The following WIPF1 variants were observed in gnomAD, a reference collection of about 807,000 sequenced individuals.
WIPF1 encodes the protein WAS/WASL interacting protein family member 1.
WIPF1 carries 13 observed loss-of-function variants against 35.4 expected under a neutral mutation model. That is an observed-to-expected ratio of 0.37 (90% CI 0.24 to 0.58). WIPF1 has a LOEUF of 0.58. WIPF1 is among the 20% of genes least tolerant of loss of function. The probability of loss-of-function intolerance (pLI) is 0.74; values close to 1 mark genes in which losing one functional copy is unlikely to be tolerated. For missense variants in WIPF1, 591 were observed against 667.0 expected, an observed-to-expected ratio of 0.89 and a Z score of 1.25; for synonymous variants, 267 against 266.3, an observed-to-expected ratio of 1.00 and a Z score of -0.02.
chr2:174,659,349 T>C (rs192330368), intron 1 of WIPF1, among the ~76,000 whole-genome samples: 1 of 152,324 alleles, frequency 6.6e-6, no homozygotes, highest in Admixed American at 6.5e-5. Context: ...AATCCATGGG[T>C]GTCTCAAGGA....
chr2:174,571,683 G>A lies in WIPF1; in HGVS notation c.1122C>T (p.Gly374=), dbSNP rs1033892508. Residue 374 remains glycine (G), a synonymous_variant, in exon 5 of 8, where the codon GGC becomes GGT. Coordinates refer to ENST00000679041, the MANE Select transcript of WIPF1 (RefSeq NM_001375834.1). The surrounding 1 kb of genome is among the most constrained non-coding windows in gnomAD (Gnocchi z 4.6). ...RPPPPVRDPP[G]RSGPLPPPPP... is the part of the protein sequence containing the mutation. ...CTCCACGTCTTGTCATACCTGATCG[G>A]CCTGGCGGGTCCCTCACTGGAGGTG... 18 of 1,614,060 alleles carry A rather than the reference G, an allele frequency of 1.1e-5. No individual in the cohort carries two copies. Among genetic ancestry groups the A allele is most frequent in the Non-Finnish European group, 1.5e-5 (18 of 1,180,042 alleles).
chr2:174,567,010 C>T, intron 7 of WIPF1, 60 bp downstream of exon 7: 1 of 1,538,262 alleles, frequency 6.5e-7, no homozygotes. Flanking sequence ...TCTATATAGC[C>T]CGAGTGTCAC....
At chr2:174,575,822 A>G (rs555730540) in intron 3 of WIPF1, among the ~76,000 whole-genome samples, 1 of 152,230 alleles carries the variant, frequency 6.6e-6, no homozygotes, top group Non-Finnish European at 1.5e-5. Context: ...AGCCTGGGTG[A>G]CAGTGAGACC....
At chr2:174,617,054 A>G (rs1686529293) in intron 1 of WIPF1, among the ~76,000 whole-genome samples, 1 of 152,128 alleles carries the variant, frequency 6.6e-6, no homozygotes, top group Non-Finnish European at 1.5e-5. Flanking sequence ...ACCTTCAACT[A>G]CATAGTGAGG....
chr2:174,637,649 T>C (rs1015018548), intron 1 of WIPF1, among the ~76,000 whole-genome samples: 1 of 152,150 alleles, frequency 6.6e-6, no homozygotes, highest in Non-Finnish European at 1.5e-5. Flanking sequence ...GAGCCGGGCA[T>C]GGTGGCGGGT....
At chr2:174,610,084 G>A (rs933270967) in intron 1 of WIPF1, among the ~76,000 whole-genome samples, 1 of 152,190 alleles carries the variant, frequency 6.6e-6, no homozygotes, top group African/African-American at 2.4e-5. Context: ...ACTGACTGGG[G>A]AAACAGATTG....
rs1176001969 is a variant in WIPF1, at chr2:174,571,390, T to C, written c.1129+286A>G. 1.7e-6 allele frequency: 1 copy of C among 604,984 alleles called. No individual in the cohort carries two copies. Among genetic ancestry groups the C allele is most frequent in the Non-Finnish European group, 2.9e-6 (1 of 341,248 alleles). 37.5% of individuals were successfully genotyped at this position (604,984 alleles called of 1,614,324 possible). A position where few individuals can be genotyped will look rare whatever the true frequency, so the allele number is the denominator to read the frequency against. On this transcript the variant is annotated intron_variant, in intron 5 of 7. Transcript: ENST00000679041. The surrounding 1 kb of genome is among the most constrained non-coding windows in gnomAD (Gnocchi z 4.6). Reference sequence around the variant, plus strand: ...TGGACTGGCAAGTACACTTCAGAGATGGAAGATGAAAGTTCTTGCCTCTTC... The same window carrying C: ...TGGACTGGCAAGTACACTTCAGAGACGGAAGATGAAAGTTCTTGCCTCTTC...
intron 1 of WIPF1, among the ~76,000 whole-genome samples, chr2:174,637,787 A>G (rs1687217030): frequency 6.6e-6 from 1 of 152,198 alleles, no homozygotes; most frequent in South Asian, 2.1e-4. Context: ...ACTCCGTCTC[A>G]AAAAAACAAA....
intron 1 of WIPF1, among the ~76,000 whole-genome samples, chr2:174,618,467 GGGT>G (rs1686579108): frequency 6.6e-6 from 1 of 152,182 alleles, no homozygotes; most frequent in African/African-American, 2.4e-5. Flanking sequence ...CTGGAACTGA[GGGT>G]GCACTGTGGC....
chr2:174,648,065 G>C (rs1227336150), intron 1 of WIPF1, among the ~76,000 whole-genome samples: 1 of 152,098 alleles, frequency 6.6e-6, no homozygotes, highest in East Asian at 1.9e-4. Flanking sequence ...ATTTTTTCTG[G>C]GTTATGATTC....
intron 4 of WIPF1, among the ~76,000 whole-genome samples, chr2:174,574,211 T>G (rs1161686891): frequency 1.3e-5 from 2 of 152,176 alleles, no homozygotes; most frequent in East Asian, 3.8e-4. Context: ...ATTTTATTTT[T>G]CTTTGTCTTT....
At position 174,661,261 on chromosome 2, in the gene WIPF1, G is replaced by A. The variant is rs568957028; in HGVS notation, c.-39+21513C>T. 3.0e-4 allele frequency among the ~76,000 whole-genome samples: 46 copies of A among 152,316 alleles called. No homozygotes were observed. The South Asian group carries it at 9.3e-3, about 31-fold the overall frequency. On this transcript the variant is annotated intron_variant, in intron 1 of 8. Transcript: ENST00000272746. ...CTGGGTGGAGATGGGATTGACGCAA[G>A]GGTGATTTTATTAAAAACATAAATC...
chr2:174,627,565 C>A (rs1348399328), intron 1 of WIPF1, among the ~76,000 whole-genome samples: 7 of 137,340 alleles, frequency 5.1e-5, no homozygotes, highest in African/African-American at 1.9e-4. Context: ...TTTTTTGAGA[C>A]AGTCTTCCTC....
chr2:174,621,549 T>C (rs1431510505), intron 1 of WIPF1, among the ~76,000 whole-genome samples: 1 of 151,984 alleles, frequency 6.6e-6, no homozygotes, highest in Non-Finnish European at 1.5e-5. Flanking sequence ...TGTCTGTATA[T>C]AGGTAGAACA....
chr2:174,622,322 TA>T lies in WIPF1; in HGVS notation c.-38-36712del, dbSNP rs1002631998. ...ATATTTTTATTTAACTCAACTAACC[TA>T]AAAAAATCTAAAGACATATTTAGTG... On this transcript the variant is annotated intron_variant, in intron 1 of 8. Coordinates refer to the WIPF1 transcript ENST00000272746. The surrounding 1 kb of genome is among the most constrained non-coding windows in gnomAD (Gnocchi z 5.1). Among the ~76,000 whole-genome samples the T allele has an allele frequency of 6.6e-6, 1 of 152,188 alleles. No individual in the cohort carries two copies. Among genetic ancestry groups the T allele is most frequent in the African/African-American group, 2.4e-5 (1 of 41,426 alleles).
intron 1 of WIPF1, among the ~76,000 whole-genome samples, chr2:174,623,723 T>TA (rs1435126570): frequency 6.6e-6 from 1 of 152,216 alleles, no homozygotes; most frequent in Non-Finnish European, 1.5e-5. Flanking sequence ...AGCTCATAGA[T>TA]ATTTTATTTC....
chr2:174,651,559 C>T (rs1368617063), intron 1 of WIPF1, among the ~76,000 whole-genome samples: 1 of 152,132 alleles, frequency 6.6e-6, no homozygotes, highest in Non-Finnish European at 1.5e-5. Flanking sequence ...TAGCGAACTC[C>T]CCAATGTTTA....
intron 1 of WIPF1, among the ~76,000 whole-genome samples, chr2:174,635,528 TG>T (rs1210909419): frequency 0.01 from 1,442 of 140,284 alleles, 74 homozygotes; most frequent in African/African-American, 0.013. Context: ...GCCTTCTGTT[TG>T]TTTTTTTTTT....
intron 7 of WIPF1, among the ~76,000 whole-genome samples, chr2:174,564,148 C>A (rs1428510971): frequency 6.6e-6 from 1 of 152,132 alleles, no homozygotes; most frequent in Non-Finnish European, 1.5e-5. Flanking sequence ...AGGCTGTGGG[C>A]TTGGAGGCTG....
Sources: allele counts gnomAD v4.1 joint callset (sites outside exome capture counted in the v4.1 genomes callset), GRCh38; gene constraint gnomAD v4.1.1; non-coding constraint Gnocchi (gnomAD v3.1); transcripts MANE v1.5; gene names NCBI Gene and HGNC (gene_info 2026-07-23, HGNC 2026-07-21).